Variants in FGF14 observed in about 807,000 individuals in gnomAD.
FGF14 encodes the protein fibroblast growth factor 14.
A neutral mutation model predicts 25.5 loss-of-function variants in FGF14; 5 were observed. The ratio of observed to expected loss-of-function variants is 0.20; its 90% CI spans 0.10 to 0.41. FGF14 has a LOEUF of 0.41. Ranked by LOEUF, FGF14 falls within the 10% of genes least tolerant of loss-of-function variation. FGF14 has a pLI of 1.00. For synonymous variants in FGF14, 138 were observed against 118.3 expected (o/e 1.17, Z -1.08); for missense variants, 222 against 320.1 (o/e 0.69, Z 2.34).
intron 1 of FGF14, among the ~76,000 whole-genome samples, chr13:102,030,041 G>A (rs1056518590): frequency 2.0e-4 from 31 of 152,036 alleles, no homozygotes; most frequent in African/African-American, 7.2e-4. Flanking sequence ...GGAGAGAAAA[G>A]TATTATGTGT....
chr13:102,165,572 A>T (rs1419253600), intron 1 of FGF14, among the ~76,000 whole-genome samples: 1 of 147,600 alleles, frequency 6.8e-6, no homozygotes, highest in Non-Finnish European at 1.5e-5. Context: ...AGGACAAAAA[A>T]CCAAACACCA....
chr13:102,052,454 T>C (rs2042252295), intron 1 of FGF14, among the ~76,000 whole-genome samples: 1 of 151,666 alleles, frequency 6.6e-6, no homozygotes, highest in South Asian at 2.1e-4. Flanking sequence ...TTTCAAAAAT[T>C]GGATTTCTGA....
chr13:101,879,666 AC>A (rs1468437109), intron 1 of FGF14, among the ~76,000 whole-genome samples: 32 of 152,206 alleles, frequency 2.1e-4, no homozygotes, highest in African/African-American at 7.7e-4. Context: ...TATACATCAT[AC>A]GAACTATGTT....
intron 1 of FGF14, among the ~76,000 whole-genome samples, chr13:102,398,812 G>A (rs1465682769): frequency 6.6e-6 from 1 of 150,650 alleles, no homozygotes; most frequent in African/African-American, 2.4e-5. Context: ...AGCTTAACAG[G>A]CTAAAACTTT....
chr13:102,310,236 T>C (rs2055659179), intron 1 of FGF14, among the ~76,000 whole-genome samples: 1 of 152,214 alleles, frequency 6.6e-6, no homozygotes. Context: ...GTTTTACTCT[T>C]GCCCTCTTTG....
chr13:102,060,356 T>C (rs2042626903), intron 1 of FGF14, among the ~76,000 whole-genome samples: 1 of 151,952 alleles, frequency 6.6e-6, no homozygotes, highest in Non-Finnish European at 1.5e-5. Flanking sequence ...AAACCCCGTC[T>C]ATACTAAAAA....
chr13:102,000,994 G>A (rs1385332156), intron 1 of FGF14, among the ~76,000 whole-genome samples: 1 of 152,276 alleles, frequency 6.6e-6, no homozygotes, highest in East Asian at 1.9e-4. Context: ...AAAAGTTCAA[G>A]GCTGGAGTTT....
intron 3 of FGF14, among the ~76,000 whole-genome samples, chr13:101,848,015 ACTCTCAT>A (rs2140344727): frequency 6.6e-6 from 1 of 152,032 alleles, no homozygotes; most frequent in South Asian, 2.1e-4. Context: ...CAAGCAGGGA[ACTCTCAT>A]CTTTATGAAG....
intron 1 of FGF14, among the ~76,000 whole-genome samples, chr13:102,382,569 C>T (rs564578250): frequency 2.0e-5 from 3 of 152,220 alleles, no homozygotes; most frequent in Admixed American, 1.3e-4. Flanking sequence ...TTGGTAGTCA[C>T]TCAAAATGTT....
intron 3 of FGF14, among the ~76,000 whole-genome samples, chr13:101,757,049 AGAG>A (rs1363128316): frequency 1.3e-5 from 2 of 152,214 alleles, no homozygotes; most frequent in Admixed American, 6.5e-5. Context: ...AGATTTTAGC[AGAG>A]GAGTTATAAC....
chr13:102,139,843 C>T (rs1457426946), intron 1 of FGF14, among the ~76,000 whole-genome samples: 1 of 152,194 alleles, frequency 6.6e-6, no homozygotes, highest in African/African-American at 2.4e-5. Context: ...TCAACCCCTC[C>T]CCTGCCAGCC....
At position 101,826,994 on chromosome 13, in the gene FGF14, TA is replaced by T. The variant is rs570454930; in HGVS notation, c.408+41730del. On this transcript the variant is annotated intron_variant, in intron 3 of 4. Coordinates refer to ENST00000376143, the MANE Select transcript of FGF14 (RefSeq NM_004115.4). ...GTAACATAATCTTGTGAACATTTAT[TA>T]AAACAGTAAATCTTACTTTGTAGGA... Among the ~76,000 whole-genome samples the T allele has an allele frequency of 1.3e-3, 192 of 152,112 alleles. 1 individual carries two copies. Among genetic ancestry groups the T allele is most frequent in the African/African-American group, 4.4e-3 (183 of 41,570 alleles).
intron 1 of FGF14, among the ~76,000 whole-genome samples, chr13:102,343,387 G>A (rs2057011756): frequency 6.6e-6 from 1 of 152,142 alleles, no homozygotes. Flanking sequence ...GTAGCCACTG[G>A]CTGAGGAATT....
intron 1 of FGF14, among the ~76,000 whole-genome samples, chr13:102,217,754 A>G (rs909216044): frequency 6.6e-6 from 1 of 152,136 alleles, no homozygotes; most frequent in African/African-American, 2.4e-5. Flanking sequence ...CATGCAACCA[A>G]CGCAGCAAAT....
At chr13:101,857,680 T>C (rs971784135) in intron 3 of FGF14, among the ~76,000 whole-genome samples, 5 of 152,152 alleles carry the variant, frequency 3.3e-5, no homozygotes, top group African/African-American at 1.2e-4. Context: ...TAGAAACTCT[T>C]AGGTCCCACA....
At chr13:101,750,897 T>C (rs1033597411) in intron 3 of FGF14, among the ~76,000 whole-genome samples, 2 of 152,138 alleles carry the variant, frequency 1.3e-5, no homozygotes, top group African/African-American at 2.4e-5. Flanking sequence ...TGAGAAACCT[T>C]AAATGCATAT....
At chr13:101,999,278 G>C (rs1468744160) in intron 1 of FGF14, among the ~76,000 whole-genome samples, 2 of 152,214 alleles carry the variant, frequency 1.3e-5, no homozygotes, top group African/African-American at 4.8e-5. Context: ...TGAATTTCTA[G>C]ATGAGAGTCA....
chr13:101,908,686 A>G (rs1276408801), intron 1 of FGF14, among the ~76,000 whole-genome samples: 2 of 152,330 alleles, frequency 1.3e-5, no homozygotes, highest in Admixed American at 6.5e-5. Context: ...TATAGATTCA[A>G]TGCCATCCCC....
intron 1 of FGF14, among the ~76,000 whole-genome samples, chr13:102,323,096 G>C (rs1378667698): frequency 2.1e-4 from 32 of 152,192 alleles, no homozygotes; most frequent in Non-Finnish European, 1.5e-5. Context: ...AAAGGCTTTT[G>C]TTTCCATTTT....
Sources: allele counts gnomAD v4.1 joint callset (sites outside exome capture counted in the v4.1 genomes callset), GRCh38; gene constraint gnomAD v4.1.1; transcripts MANE v1.5; gene names NCBI Gene and HGNC (gene_info 2026-07-23, HGNC 2026-07-21).